CDH18: variants seen among roughly 807,000 people sequenced by gnomAD.
The protein encoded by CDH18 is cadherin-18.
A neutral mutation model predicts 67.9 loss-of-function variants in CDH18; 31 were observed. The observed-to-expected ratio is 0.46, with a 90% CI of 0.34 to 0.62. The LOEUF (loss-of-function observed/expected upper bound fraction) is 0.62, where lower values mean the gene tolerates loss of function less well. Ranked by LOEUF, CDH18 falls within the 20% of genes least tolerant of loss-of-function variation. CDH18 has a pLI of 0.01. For synonymous variants in CDH18, 362 were observed against 347.2 expected (o/e 1.04, Z -0.48); for missense variants, 890 against 975.5 (o/e 0.91, Z 1.17).
intron 1 of CDH18, among the ~76,000 whole-genome samples, chr5:20,434,635 A>T (rs1206973902): frequency 6.6e-6 from 1 of 152,040 alleles, no homozygotes; most frequent in East Asian, 1.9e-4. Context: ...AACTAAAAAT[A>T]TATATTTTAT....
rs1580435999 is a variant in CDH18 at position 19,602,587 on chromosome 5, G to A, written c.811+9847C>T. Among the ~76,000 whole-genome samples the A allele has an allele frequency of 4.6e-5, 7 of 152,050 alleles. No homozygotes were observed. In the South Asian group the frequency reaches 1.5e-3, roughly 32 times the overall value. ...CAATGACTAGTGTTGGTGAGGATGT[G>A]GAGAAATTAGAACTCTTGTGCCCTG... On this transcript the variant is annotated intron_variant, in intron 6 of 12. Transcript: ENST00000382275.
intron 1 of CDH18, among the ~76,000 whole-genome samples, chr5:20,566,305 A>G (rs1758499265): frequency 6.6e-6 from 1 of 151,902 alleles, no homozygotes; most frequent in South Asian, 2.1e-4. Flanking sequence ...TTGTAACCCA[A>G]AGCCACTCAG....
chr5:19,532,321 G>T lies in CDH18; in HGVS notation c.1391-11543C>A, dbSNP rs143422288. Among the ~76,000 whole-genome samples the T allele has an allele frequency of 1.2e-4, 19 of 152,158 alleles. 1 individual carries two copies. Among genetic ancestry groups the T allele is most frequent in the African/African-American group, 4.3e-4 (18 of 41,518 alleles). Reference sequence around the variant, plus strand: ...ATTATTGAAAATATTCCGCATTTATGCTTGTCACTGGGTTGTTGACACCAA... The same window carrying T: ...ATTATTGAAAATATTCCGCATTTATTCTTGTCACTGGGTTGTTGACACCAA... On this transcript the variant is annotated intron_variant, in intron 9 of 12. Transcript: ENST00000382275.
chr5:19,499,676 G>A (rs1164179612), intron 11 of CDH18, among the ~76,000 whole-genome samples: 2 of 151,680 alleles, frequency 1.3e-5, no homozygotes, highest in African/African-American at 4.8e-5. Context: ...AAGCATTTTT[G>A]TCATAATTTA....
At chr5:20,511,272 G>A (rs557804300) in intron 1 of CDH18, among the ~76,000 whole-genome samples, 2 of 152,232 alleles carry the variant, frequency 1.3e-5, no homozygotes, top group East Asian at 3.9e-4. Flanking sequence ...CAAAAGTATA[G>A]AAAGTACTAA....
At chr5:19,863,470 T>C (rs1466061840) in intron 2 of CDH18, among the ~76,000 whole-genome samples, 1 of 152,186 alleles carries the variant, frequency 6.6e-6, no homozygotes, top group Non-Finnish European at 1.5e-5. Flanking sequence ...ATTGTCAGTA[T>C]TCTGAGGATC....
chr5:19,953,663 A>C (rs1407950753), intron 2 of CDH18, among the ~76,000 whole-genome samples: 1 of 152,034 alleles, frequency 6.6e-6, no homozygotes, highest in Non-Finnish European at 1.5e-5. Context: ...CGTTGACATA[A>C]TGATATATAG....
Position 20,388,437 on chromosome 5 carries a change from C to T in CDH18, c.-579-132932G>A, listed in dbSNP as rs187285984. 4.6e-5 allele frequency among the ~76,000 whole-genome samples: 7 copies of T among 151,712 alleles called. No homozygotes were observed. The East Asian group carries it at 5.8e-4, about 13-fold the overall frequency. ...TATCCCCTTTATCATTTTTTTATTG[C>T]GTCTGTTTGATGCTTCCCTCTTTTC... On this transcript the variant is annotated intron_variant, in intron 1 of 14. Coordinates refer to the CDH18 transcript ENST00000507958.
intron 3 of CDH18, among the ~76,000 whole-genome samples, chr5:19,766,032 A>G (rs937451950): frequency 2.6e-5 from 4 of 151,948 alleles, no homozygotes; most frequent in African/African-American, 9.7e-5. Context: ...GGTGCCCACC[A>G]CCACACCCGG....
chr5:20,364,582 A>G (rs1385273126), intron 1 of CDH18, among the ~76,000 whole-genome samples: 3 of 152,190 alleles, frequency 2.0e-5, no homozygotes, highest in Admixed American at 1.3e-4. Flanking sequence ...ATTCAATTCA[A>G]TTCAACTGCT....
At chr5:19,999,775 G>A (rs1484056528) in intron 2 of CDH18, among the ~76,000 whole-genome samples, 8 of 152,144 alleles carry the variant, frequency 5.3e-5, no homozygotes, top group African/African-American at 1.9e-4. Context: ...GACCACAGCA[G>A]AGCATTAATA....
At chr5:19,843,895 T>C (rs2150045505) in intron 2 of CDH18, among the ~76,000 whole-genome samples, 1 of 152,362 alleles carries the variant, frequency 6.6e-6, no homozygotes, top group African/African-American at 2.4e-5. Flanking sequence ...ATGGGGCCTG[T>C]AGCCCCTTTG....
intron 2 of CDH18, among the ~76,000 whole-genome samples, chr5:20,199,384 C>T (rs1302507462): frequency 6.6e-6 from 1 of 152,158 alleles, no homozygotes; most frequent in Non-Finnish European, 1.5e-5. Context: ...AATGACTGCC[C>T]TATTGAATTT....
chr5:19,520,601 T>C (rs538133290), intron 10 of CDH18, 56 bp downstream of exon 10: 189 of 1,495,412 alleles, frequency 1.3e-4, no homozygotes, highest in Admixed American at 3.1e-4. Flanking sequence ...ATAATAAAAA[T>C]AAAGGCGCTT....
intron 2 of CDH18, among the ~76,000 whole-genome samples, chr5:19,879,582 G>C (rs1395553317): frequency 2.6e-5 from 4 of 151,950 alleles, no homozygotes; most frequent in African/African-American, 9.7e-5. Context: ...TATACCTACA[G>C]CAGTAGATAT....
chr5:19,727,742 T>C (rs533982893), intron 4 of CDH18, among the ~76,000 whole-genome samples: 12 of 152,252 alleles, frequency 7.9e-5, no homozygotes, highest in African/African-American at 2.9e-4. Context: ...TATCTGTAAT[T>C]GTGTATTATG....
intron 5 of CDH18, among the ~76,000 whole-genome samples, chr5:19,624,843 T>G (rs1751274045): frequency 6.6e-6 from 1 of 152,168 alleles, no homozygotes; most frequent in African/African-American, 2.4e-5. Context: ...CATGCTACAC[T>G]GAAAATACTA....
At chr5:20,242,610 AAAT>A (rs1442924274) in intron 2 of CDH18, among the ~76,000 whole-genome samples, 6 of 25,226 alleles carry the variant, frequency 2.4e-4, no homozygotes, top group Non-Finnish European at 3.9e-4. Context: ...AAAAAAAAAA[AAAT>A]ATATATATAT....
chr5:20,487,354 CTATA>C (rs200267236), intron 1 of CDH18, among the ~76,000 whole-genome samples: 1 of 146,432 alleles, frequency 6.8e-6, no homozygotes, highest in South Asian at 2.2e-4. Context: ...ATGTATAAAC[CTATA>C]TATATATATA....
Sources: allele counts gnomAD v4.1 joint callset (sites outside exome capture counted in the v4.1 genomes callset), GRCh38; gene constraint gnomAD v4.1.1; transcripts MANE v1.5; gene names NCBI Gene and HGNC (gene_info 2026-07-23, HGNC 2026-07-21).